The following TPO variants were observed in gnomAD, a reference collection of about 807,000 sequenced individuals.
TPO encodes the protein thyroid peroxidase.
In TPO, 78 loss-of-function variants were observed where a neutral mutation model predicts 96.9. That is an observed-to-expected ratio of 0.81 (90% CI 0.67 to 0.97). TPO has a LOEUF of 0.97. Ranked by LOEUF, TPO falls within the 50% of genes least tolerant of loss-of-function variation. TPO has a pLI of 0.00. For missense variants in TPO, 1,252 were observed against 1,274.8 expected (o/e 0.98, Z 0.27); for synonymous variants, 547 against 538.0 (o/e 1.02, Z -0.23).
At chr2:1,398,415 C>G (rs1034368102) in intron 1 of TPO, among the ~76,000 whole-genome samples, 1 of 152,222 alleles carries the variant, frequency 6.6e-6, no homozygotes, top group Non-Finnish European at 1.5e-5. Flanking sequence ...ACCCACACCC[C>G]ACGCCTGCCT....
At chr2:1,538,458 T>C (rs1680333782) in intron 15 of TPO, among the ~76,000 whole-genome samples, 1 of 152,192 alleles carries the variant, frequency 6.6e-6, no homozygotes, top group South Asian at 2.1e-4. Flanking sequence ...TTTTATGCAA[T>C]TCAGAACCTC....
intron 7 of TPO, among the ~76,000 whole-genome samples, chr2:1,474,977 T>C (rs893822194): frequency 6.6e-6 from 1 of 152,244 alleles, no homozygotes; most frequent in African/African-American, 2.4e-5. Context: ...AATAGCTACT[T>C]AATTTCTTGG....
chr2:1,497,216 C>T (rs1672446243), intron 13 of TPO, among the ~76,000 whole-genome samples: 3 of 152,172 alleles, frequency 2.0e-5, no homozygotes, highest in Admixed American at 2.0e-4. Context: ...TCCCAGCCTC[C>T]CGCATGTTTA....
chr2:1,499,432 A>G (rs554058107), intron 13 of TPO, among the ~76,000 whole-genome samples: 87 of 152,304 alleles, frequency 5.7e-4, no homozygotes, highest in Non-Finnish European at 1.1e-3. Context: ...ATCCATTGTA[A>G]GAAGGACTAT....
Position 1,413,499 on chromosome 2 carries a change from C to A in TPO, c.-48C>A. The A allele has an allele frequency of 5.1e-6, 1 of 194,546 alleles. No homozygotes were observed. Among genetic ancestry groups the A allele is most frequent in the Non-Finnish European group, 9.4e-6 (1 of 106,728 alleles). 12.1% of individuals were successfully genotyped at this position (194,546 alleles called of 1,614,324 possible). A position where few individuals can be genotyped will look rare whatever the true frequency, so the allele number is the denominator to read the frequency against. On this transcript the variant is annotated 5_prime_UTR_variant, in exon 1 of 17. Transcript: ENST00000329066. ...GGCGCCCATTTCAGAAGAGTTACAG[C>A]CGTGAAAATTACTCAGCAGTGCAGT...
At chr2:1,512,579 C>A (rs1306984857) in intron 14 of TPO, 2 of 753,920 alleles carry the variant, frequency 2.7e-6, no homozygotes, top group Non-Finnish European at 3.2e-6. Flanking sequence ...AAGTCAGGGT[C>A]CGCCGCAGAA....
At chr2:1,389,599 G>A (rs989076944) in intron 1 of TPO, among the ~76,000 whole-genome samples, 1 of 152,070 alleles carries the variant, frequency 6.6e-6, no homozygotes, top group African/African-American at 2.4e-5. Context: ...CCTTACCATG[G>A]TGATAATGAT....
At chr2:1,481,737 G>A (rs989730232) in intron 8 of TPO, among the ~76,000 whole-genome samples, 9 of 152,368 alleles carry the variant, frequency 5.9e-5, no homozygotes, top group South Asian at 2.1e-4. Context: ...AGAAAGGGCC[G>A]TTCCTGCAGT....
intron 1 of TPO, among the ~76,000 whole-genome samples, chr2:1,405,527 C>T (rs986166193): frequency 7.9e-5 from 12 of 152,194 alleles, no homozygotes; most frequent in Non-Finnish European, 8.8e-5. Context: ...ACCACCTCCC[C>T]GCCCATCCAT....
At chr2:1,414,570 G>A (rs1662692423) in intron 2 of TPO, 68 bp downstream of exon 2, 3 of 1,455,838 alleles carry the variant, frequency 2.1e-6, no homozygotes, top group Admixed American at 1.8e-5. Context: ...TAAAATAGAG[G>A]GCATAATGGT....
chr2:1,516,114 C>T (rs963601496), intron 14 of TPO, among the ~76,000 whole-genome samples: 2 of 152,200 alleles, frequency 1.3e-5, no homozygotes, highest in African/African-American at 2.4e-5. Context: ...GCCCAGGAGC[C>T]GTTACTCAGT....
At chr2:1,390,102 G>A (rs991588598) in intron 1 of TPO, among the ~76,000 whole-genome samples, 1 of 150,578 alleles carries the variant, frequency 6.6e-6, no homozygotes, top group Non-Finnish European at 1.5e-5. Context: ...CATGTGCCAT[G>A]TTCGTTTGCC....
chr2:1,374,729 T>C (rs1297757407), intron 1 of TPO, among the ~76,000 whole-genome samples: 16 of 148,332 alleles, frequency 1.1e-4, no homozygotes, highest in East Asian at 5.8e-4. Context: ...TTCTTTCTTT[T>C]TTTTTTTTTT....
At chr2:1,447,040 G>T (rs1666892940) in intron 5 of TPO, among the ~76,000 whole-genome samples, 1 of 152,014 alleles carries the variant, frequency 6.6e-6, no homozygotes, top group Admixed American at 6.6e-5. Flanking sequence ...AAAATTCTAA[G>T]TCTTGCGATC....
chr2:1,406,332 A>G (rs960784260), intron 1 of TPO, among the ~76,000 whole-genome samples: 2 of 152,258 alleles, frequency 1.3e-5, no homozygotes, highest in African/African-American at 4.8e-5. Context: ...GGCTTAAAAA[A>G]GTACCATTTT....
chr2:1,437,555 T>G (rs1260575413), intron 5 of TPO, among the ~76,000 whole-genome samples: 1 of 151,738 alleles, frequency 6.6e-6, no homozygotes, highest in East Asian at 1.9e-4. Flanking sequence ...GGAATCGGGG[T>G]CCTGGGTATA....
intron 14 of TPO, among the ~76,000 whole-genome samples, chr2:1,512,724 C>A (rs958584228): frequency 6.6e-6 from 1 of 152,314 alleles, no homozygotes; most frequent in Non-Finnish European, 1.5e-5. Flanking sequence ...TGGGCCAGGC[C>A]GCCGGTGGAG....
intron 15 of TPO, among the ~76,000 whole-genome samples, chr2:1,537,256 TCC>T (rs1291868273): frequency 2.9e-5 from 1 of 34,452 alleles, no homozygotes; most frequent in African/African-American, 1.2e-4. Flanking sequence ...CCACCTCAAA[TCC>T]CCCCACTGTG....
chr2:1,441,959 T>A (rs1043927643), intron 5 of TPO, among the ~76,000 whole-genome samples: 3 of 152,146 alleles, frequency 2.0e-5, no homozygotes, highest in Non-Finnish European at 4.4e-5. Context: ...TGGGAGGTAA[T>A]TGAATCATGG....
Sources: gnomAD v4.1 joint callset for allele counts (sites outside exome capture counted in the v4.1 genomes callset) on GRCh38, gnomAD v4.1.1 for gene constraint, MANE v1.5 for transcripts, NCBI Gene and HGNC (gene_info 2026-07-23, HGNC 2026-07-21) for gene names.